The following SLC1A2 variants were observed in gnomAD, a reference collection of about 807,000 sequenced individuals.
SLC1A2 encodes excitatory amino acid transporter 2.
A neutral mutation model predicts 48.8 loss-of-function variants in SLC1A2; 15 were observed. The ratio of observed to expected loss-of-function variants is 0.31; its 90% CI spans 0.21 to 0.47. SLC1A2 has a LOEUF of 0.47. Ranked by LOEUF, SLC1A2 falls within the 20% of genes least tolerant of loss-of-function variation. SLC1A2 has a pLI of 0.99. For synonymous variants in SLC1A2, 279 were observed against 272.6 expected, an observed-to-expected ratio of 1.02 and a Z score of -0.23; for missense variants, 502 against 730.5, an observed-to-expected ratio of 0.69 and a Z score of 3.61.
intron 3 of SLC1A2, 55 bp from the exon 4 acceptor site, chr11:35,312,503 C>G: frequency 6.3e-7 from 1 of 1,582,626 alleles, no homozygotes; most frequent in South Asian, 1.1e-5. Flanking sequence ...TGCTAATGAC[C>G]TGTGTCTACA....
At chr11:35,387,027 C>T (rs539706564) in intron 1 of SLC1A2, among the ~76,000 whole-genome samples, 1 of 152,228 alleles carries the variant, frequency 6.6e-6, no homozygotes, top group East Asian at 1.9e-4. Context: ...GCCTCAGCCT[C>T]CCAAAGTGCT....
chr11:35,334,135 T>A (rs1852530916), intron 1 of SLC1A2, among the ~76,000 whole-genome samples: 1 of 152,204 alleles, frequency 6.6e-6, no homozygotes, highest in African/African-American at 2.4e-5. Flanking sequence ...GCATGGATTT[T>A]CCAGTCTGCC....
rs760776358 is a variant in SLC1A2 at position 35,418,989 on chromosome 11, C to A, written c.-23G>T. ...CATGGTCTGGGGAACGCCCCCTCCT[C>A]TTCAGCACTATCCGGCAGCTGTGGG... On this transcript the variant is annotated 5_prime_UTR_variant, in exon 1 of 11. Coordinates refer to ENST00000278379, the MANE Select transcript of SLC1A2 (RefSeq NM_004171.4). The A allele has an allele frequency of 2.6e-6, 4 of 1,560,448 alleles. No individual in the cohort carries two copies. Among genetic ancestry groups the A allele is most frequent in the Non-Finnish European group, 3.5e-6 (4 of 1,150,866 alleles).
intron 1 of SLC1A2, among the ~76,000 whole-genome samples, chr11:35,383,370 A>T (rs1854489978): frequency 6.6e-6 from 1 of 152,130 alleles, no homozygotes; most frequent in South Asian, 2.1e-4. Context: ...AATGGTTATT[A>T]TGAAAGAAAT....
At chr11:35,330,514 T>C (rs531295232) in intron 1 of SLC1A2, among the ~76,000 whole-genome samples, 1 of 152,260 alleles carries the variant, frequency 6.6e-6, no homozygotes, top group African/African-American at 2.4e-5. Context: ...CATGTCCTAA[T>C]CCCCAGAACC....
intron 9 of SLC1A2, among the ~76,000 whole-genome samples, chr11:35,275,042 C>G (rs538499565): frequency 6.6e-6 from 1 of 152,288 alleles, no homozygotes; most frequent in East Asian, 1.9e-4. Flanking sequence ...ATCAGAATCA[C>G]CTGGGAACTT....
chr11:35,289,102 A>T (rs3794096), intron 7 of SLC1A2, among the ~76,000 whole-genome samples: 3 of 151,992 alleles, frequency 2.0e-5, no homozygotes, highest in Non-Finnish European at 4.4e-5. Context: ...TTGTTTTTTA[A>T]GTATTAGTTT....
At chr11:35,271,593 C>G (rs770987445) in intron 9 of SLC1A2, among the ~76,000 whole-genome samples, 1 of 152,116 alleles carries the variant, frequency 6.6e-6, no homozygotes, top group African/African-American at 2.4e-5. Context: ...GAGGGTAAGA[C>G]GTTTCTCTGG....
At position 35,254,870 on chromosome 11, in the gene SLC1A2, A is replaced by C. The variant is rs977122323; in HGVS notation, c.*6024T>G. ...AATGAATATTTGGCCTGGAGGTTGG[A>C]AAGTGAAGCAAGGCTGGACATAGAA... On this transcript the variant is annotated 3_prime_UTR_variant, in exon 11 of 11. Coordinates refer to ENST00000278379, the MANE Select transcript of SLC1A2 (RefSeq NM_004171.4). 6.7e-6 allele frequency: 3 copies of C among 450,614 alleles called. No homozygotes were observed. Among genetic ancestry groups the C allele is most frequent in the Non-Finnish European group, 8.9e-6 (2 of 224,856 alleles). The allele number at this position is 450,614 out of a possible 1,614,324, so 27.9% of individuals were successfully genotyped here.
chr11:35,260,473 C>A lies in SLC1A2; in HGVS notation c.*421G>T. ...ATCTCTTGTGCATAACAAGGCGAGA[C>A]ATGGAGAACACTTTAAGGAATAACA... is the stretch of plus-strand genomic sequence containing the variant. On this transcript the variant is annotated 3_prime_UTR_variant, in exon 11 of 11. Transcript: ENST00000278379. 1 of 164,438 alleles carries A rather than the reference C, an allele frequency of 6.1e-6. No individual in the cohort carries two copies. The highest frequency in any genetic ancestry group is 1.6e-4 in the South Asian group (1 of 6,408). 10.2% of individuals were successfully genotyped at this position (164,438 alleles called of 1,614,324 possible).
Position 35,343,085 on chromosome 11 carries a change from C to T in SLC1A2, c.18-25569G>A, listed in dbSNP as rs145489278. ...ACATCGTGAGGCTTCAGACAAGTCA[C>T]AAAAACCACACTGGTGTGTCAGTAG... On this transcript the variant is annotated intron_variant, in intron 1 of 10. Coordinates refer to ENST00000278379, the MANE Select transcript of SLC1A2 (RefSeq NM_004171.4). Among the ~76,000 whole-genome samples the T allele has an allele frequency of 5.3e-5, 8 of 152,310 alleles. 1 individual carries two copies. The South Asian group carries it at 8.3e-4, about 16-fold the overall frequency.
chr11:35,319,342 G>A (rs866572959), intron 1 of SLC1A2, among the ~76,000 whole-genome samples: 3 of 152,274 alleles, frequency 2.0e-5, no homozygotes, highest in African/African-American at 7.2e-5. Flanking sequence ...TTTTAAACAT[G>A]TCTCCAGCAA....
rs1398282256 is a variant in SLC1A2, at chr11:35,257,950, T to C, written c.*2944A>G. 1 of 152,212 alleles carries C rather than the reference T, an allele frequency of 6.6e-6. No individual in the cohort carries two copies. The highest frequency in any genetic ancestry group is 2.4e-5 in the African/African-American group (1 of 41,456). 9.4% of individuals were successfully genotyped at this position (152,212 alleles called of 1,614,324 possible). A position where few individuals can be genotyped will look rare whatever the true frequency, so the allele number is the denominator to read the frequency against. On this transcript the variant is annotated 3_prime_UTR_variant, in exon 11 of 11. Coordinates refer to ENST00000278379, the MANE Select transcript of SLC1A2 (RefSeq NM_004171.4). The stretch of plus-strand genomic sequence containing the variant: ...GCATTCATATATATGTTGAACCAAT[T>C]AGGATAAATCTATACATATAATTGA...
At chr11:35,407,877 C>G (rs1019366626) in intron 1 of SLC1A2, among the ~76,000 whole-genome samples, 71 of 152,214 alleles carry the variant, frequency 4.7e-4, no homozygotes, top group African/African-American at 1.5e-3. Context: ...GTTCTTTTCT[C>G]TAGCTTCATG....
intron 9 of SLC1A2, among the ~76,000 whole-genome samples, chr11:35,279,767 A>G (rs1850563775): frequency 6.6e-6 from 1 of 152,232 alleles, no homozygotes; most frequent in Non-Finnish European, 1.5e-5. Context: ...TAAAGTGGGA[A>G]TAATAACATT....
chr11:35,361,010 G>C (rs762693216), intron 1 of SLC1A2, among the ~76,000 whole-genome samples: 34 of 152,004 alleles, frequency 2.2e-4, no homozygotes, highest in Non-Finnish European at 4.0e-4. Context: ...TGAGTAGCTG[G>C]GACTACAGGT....
intron 1 of SLC1A2, among the ~76,000 whole-genome samples, chr11:35,325,332 T>C (rs1039185111): frequency 2.6e-5 from 4 of 152,206 alleles, no homozygotes; most frequent in African/African-American, 7.2e-5. Context: ...GTAGATGCAG[T>C]TTACCATGTC....
chr11:35,312,953 A>G (rs1295363741), intron 3 of SLC1A2, among the ~76,000 whole-genome samples: 1 of 152,208 alleles, frequency 6.6e-6, no homozygotes, highest in Non-Finnish European at 1.5e-5. Flanking sequence ...GAACTGGGAG[A>G]GTTGGAGATC....
intron 9 of SLC1A2, among the ~76,000 whole-genome samples, chr11:35,267,787 G>T (rs75134696): frequency 2.0e-5 from 3 of 150,064 alleles, no homozygotes; most frequent in South Asian, 4.2e-4. Context: ...AAAAAAAAAA[G>T]CTGAAAGTTG....
Sources: gnomAD v4.1 joint callset for allele counts (sites outside exome capture counted in the v4.1 genomes callset) on GRCh38, gnomAD v4.1.1 for gene constraint, MANE v1.5 for transcripts, NCBI Gene and HGNC (gene_info 2026-07-23, HGNC 2026-07-21) for gene names.